KIF16B: variants seen among roughly 807,000 people sequenced by gnomAD.
The protein encoded by KIF16B is kinesin-like protein KIF16B.
Under a neutral mutation model 156.3 loss-of-function variants are expected in KIF16B, and 98 were observed. The ratio of observed to expected loss-of-function variants is 0.63; its 90% CI spans 0.53 to 0.74. The LOEUF (loss-of-function observed/expected upper bound fraction) is 0.74. KIF16B is among the 30% of genes least tolerant of loss of function. The pLI, the probability that KIF16B is intolerant of heterozygous loss-of-function variation, is 0.00. For missense variants in KIF16B, 1,421 were observed against 1,606.5 expected (o/e 0.88, Z 1.97); for synonymous variants, 564 against 583.7 (o/e 0.97, Z 0.49).
At chr20:16,383,005 G>T (rs2065137814) in intron 17 of KIF16B, among the ~76,000 whole-genome samples, 1 of 152,130 alleles carries the variant, frequency 6.6e-6, no homozygotes, top group Non-Finnish European at 1.5e-5. Flanking sequence ...TTTTGGTATT[G>T]TTTTTTGAGT....
chr20:16,472,016 G>C (rs2067675832), intron 12 of KIF16B, among the ~76,000 whole-genome samples: 1 of 152,138 alleles, frequency 6.6e-6, no homozygotes, highest in African/African-American at 2.4e-5. Flanking sequence ...ATGAAACTAG[G>C]TATGAACAAC....
chr20:16,560,235 G>A (rs149015407), intron 1 of KIF16B, among the ~76,000 whole-genome samples: 82 of 152,188 alleles, frequency 5.4e-4, no homozygotes, highest in South Asian at 1.9e-3. Context: ...AGATATTTTC[G>A]TAAAGCCTTA....
intron 1 of KIF16B, among the ~76,000 whole-genome samples, chr20:16,567,974 A>T (rs984301704): frequency 2.6e-5 from 4 of 152,168 alleles, no homozygotes; most frequent in Admixed American, 6.5e-5. Context: ...TAAGTGTAGT[A>T]CCTGGTACCT....
In KIF16B at chr20:16,469,375, C is replaced by G. The variant is rs118009119; in HGVS notation, c.1302+24916G>C. Among the ~76,000 whole-genome samples, 476 of 150,892 alleles carry G rather than the reference C, an allele frequency of 3.2e-3. 3 individuals are homozygous for G. The highest frequency in any genetic ancestry group is 0.02 in the East Asian group (103 of 5,122). On this transcript the variant is annotated intron_variant, in intron 12 of 25. Transcript: ENST00000354981. ...AAATGTTTGTAGATTAAACAACACA[C>G]TTCTACATAACATGTGGATCAAAGA...
chr20:16,539,388 A>G (rs985855093), intron 1 of KIF16B, among the ~76,000 whole-genome samples: 1 of 152,244 alleles, frequency 6.6e-6, no homozygotes, highest in Non-Finnish European at 1.5e-5. Flanking sequence ...AGCAAAGGTC[A>G]TCCTTGTTAT....
At chr20:16,396,018 G>A (rs2065491705) in intron 17 of KIF16B, among the ~76,000 whole-genome samples, 1 of 152,128 alleles carries the variant, frequency 6.6e-6, no homozygotes, top group Admixed American at 6.5e-5. Context: ...AATTAATCAT[G>A]AGAAAATGCA....
intron 17 of KIF16B, among the ~76,000 whole-genome samples, chr20:16,394,027 T>A (rs889560255): frequency 5.9e-5 from 9 of 152,224 alleles, no homozygotes; most frequent in Non-Finnish European, 1.2e-4. Flanking sequence ...ATCAAGTTAA[T>A]ATGTTACTGC....
At chr20:16,568,974 T>G (rs930325330) in intron 1 of KIF16B, among the ~76,000 whole-genome samples, 14 of 151,642 alleles carry the variant, frequency 9.2e-5, no homozygotes, top group African/African-American at 2.9e-4. Flanking sequence ...CTCACTGAGA[T>G]AGTATTAAGA....
At chr20:16,352,012 A>G (rs1259385491) in intron 23 of KIF16B, among the ~76,000 whole-genome samples, 4 of 152,240 alleles carry the variant, frequency 2.6e-5, no homozygotes, top group African/African-American at 7.2e-5. Flanking sequence ...GCAGCCAGGT[A>G]CAGAAGATAA....
rs750960072 is a variant in KIF16B at position 16,371,740 on chromosome 20, T to G, written c.3372A>C (p.Glu1124Asp). 1.9e-6 allele frequency: 3 copies of G among 1,613,480 alleles called. No individual in the cohort carries two copies. In the South Asian group the frequency reaches 3.3e-5, roughly 18 times the overall value. ...MDARINAYIE[E>D]EVQRRLQDLH... ...AATCCTGAAGGCGTCTTTGGACTTC[T>G]TCTTCAATGTAAGCATTGATCCTGT... Residue 1124 changes from glutamate (E) to aspartate (D), a missense_variant, in exon 21 of 26, where the codon GAA becomes GAC. Transcript: ENST00000354981.
At chr20:16,328,512 G>A (rs529037418) in intron 24 of KIF16B, among the ~76,000 whole-genome samples, 5 of 152,212 alleles carry the variant, frequency 3.3e-5, no homozygotes, top group South Asian at 2.1e-4. Flanking sequence ...GCCTCTAAGC[G>A]CAGCAGCACA....
At chr20:16,374,883 G>C (rs770433404) in intron 19 of KIF16B, among the ~76,000 whole-genome samples, 9 of 152,212 alleles carry the variant, frequency 5.9e-5, no homozygotes, top group Non-Finnish European at 8.8e-5. Context: ...CCAGAGGCCA[G>C]TGGGAATGTT....
intron 1 of KIF16B, among the ~76,000 whole-genome samples, chr20:16,563,661 A>T (rs2071149650): frequency 6.6e-6 from 1 of 151,770 alleles, no homozygotes; most frequent in African/African-American, 2.4e-5. Context: ...ACACATACAC[A>T]CTCGATCTCT....
chr20:16,389,461 C>G (rs893852843), intron 17 of KIF16B, among the ~76,000 whole-genome samples: 2 of 152,186 alleles, frequency 1.3e-5, no homozygotes, highest in African/African-American at 4.8e-5. Flanking sequence ...GACTAGAACT[C>G]AATGGACGGT....
At chr20:16,310,388 A>G (rs533947567) in intron 25 of KIF16B, among the ~76,000 whole-genome samples, 2 of 152,306 alleles carry the variant, frequency 1.3e-5, no homozygotes, top group East Asian at 1.9e-4. Context: ...AGTGCCCTGA[A>G]CTTTGCTCTA....
intron 17 of KIF16B, among the ~76,000 whole-genome samples, chr20:16,403,592 C>T (rs774047685): frequency 4.6e-5 from 7 of 152,116 alleles, no homozygotes; most frequent in Non-Finnish European, 8.8e-5. Context: ...TCCTGGAAAG[C>T]GGGGGTGGGG....
chr20:16,307,364 G>T (rs1216572701), intron 25 of KIF16B, among the ~76,000 whole-genome samples: 1 of 152,138 alleles, frequency 6.6e-6, no homozygotes, highest in Non-Finnish European at 1.5e-5. Context: ...TTAACTTGGG[G>T]CTAATTTGGG....
At chr20:16,506,676 C>T (rs1449355912) in intron 7 of KIF16B, among the ~76,000 whole-genome samples, 1 of 152,022 alleles carries the variant, frequency 6.6e-6, no homozygotes, top group African/African-American at 2.4e-5. Context: ...TACTATATTC[C>T]TCGCTTCTGA....
chr20:16,537,025 C>T (rs1246507098), intron 1 of KIF16B, among the ~76,000 whole-genome samples: 11 of 152,092 alleles, frequency 7.2e-5, no homozygotes. Context: ...TTTGTAGGCC[C>T]TGTCCCAGGT....
Sources: allele counts gnomAD v4.1 joint callset (sites outside exome capture counted in the v4.1 genomes callset), GRCh38; gene constraint gnomAD v4.1.1; transcripts MANE v1.5; gene names NCBI Gene and HGNC (gene_info 2026-07-23, HGNC 2026-07-21).